Variants in FSTL4 observed in about 807,000 individuals in gnomAD.
The protein encoded by FSTL4 is follistatin-related protein 4.
FSTL4 carries 28 observed loss-of-function variants against 78.2 expected under a neutral mutation model. The ratio of observed to expected loss-of-function variants is 0.36; its 90% CI spans 0.27 to 0.49. FSTL4 has a LOEUF of 0.49. Ranked by LOEUF, FSTL4 falls within the 20% of genes least tolerant of loss-of-function variation. FSTL4 has a pLI of 0.98. For synonymous variants in FSTL4, 422 were observed against 440.5 expected (o/e 0.96, Z 0.53); for missense variants, 922 against 1,084.9 (o/e 0.85, Z 2.11).
chr5:133,780,545 C>T, the FSTL4 span, among the ~76,000 whole-genome samples: 1 of 152,166 alleles, frequency 6.6e-6, no homozygotes, highest in African/African-American at 2.4e-5. Context: ...CCTGGCCTGG[C>T]TTATCTGCAT....
intron 3 of FSTL4, among the ~76,000 whole-genome samples, chr5:133,490,510 T>A (rs1364092717): frequency 2.6e-5 from 4 of 152,220 alleles, no homozygotes; most frequent in African/African-American, 9.6e-5. Context: ...TCTAAAATTA[T>A]ACTGAAGGCT....
At chr5:133,600,288 A>G (rs1014673365) in intron 2 of FSTL4, among the ~76,000 whole-genome samples, 3 of 152,210 alleles carry the variant, frequency 2.0e-5, no homozygotes, top group Non-Finnish European at 4.4e-5. Flanking sequence ...TGCTGAAGGC[A>G]GGTCAGACTA....
intron 2 of FSTL4, among the ~76,000 whole-genome samples, chr5:133,580,807 C>T (rs1031138692): frequency 2.0e-5 from 3 of 152,206 alleles, no homozygotes; most frequent in Admixed American, 1.3e-4. Context: ...GGGGAAGCAG[C>T]GGAGGTCCTA....
chr5:133,815,538 C>T, the FSTL4 span, among the ~76,000 whole-genome samples: 1 of 152,182 alleles, frequency 6.6e-6, no homozygotes, highest in African/African-American at 2.4e-5. Context: ...TAAGATGTGG[C>T]ACAGTGGTAA....
At chr5:133,656,698 G>A in the FSTL4 span, among the ~76,000 whole-genome samples, 10 of 152,194 alleles carry the variant, frequency 6.6e-5, no homozygotes, top group African/African-American at 9.6e-5. Flanking sequence ...GCCCAGCCAA[G>A]TAAGGATGTG....
chr5:133,836,640 C>CCT, the FSTL4 span, among the ~76,000 whole-genome samples: 3 of 142,824 alleles, frequency 2.1e-5, no homozygotes, highest in African/African-American at 7.7e-5. Context: ...TCAGATGTTC[C>CCT]TTTTTTTTTT....
At chr5:133,501,076 G>C (rs189040376) in intron 3 of FSTL4, among the ~76,000 whole-genome samples, 2 of 152,154 alleles carry the variant, frequency 1.3e-5, no homozygotes, top group Admixed American at 1.3e-4. Flanking sequence ...ATCACTCATG[G>C]TGGGAAATGT....
intron 6 of FSTL4, among the ~76,000 whole-genome samples, chr5:133,253,424 G>A (rs933759596): frequency 5.3e-5 from 8 of 152,204 alleles, no homozygotes; most frequent in African/African-American, 1.9e-4. Context: ...TGAGGGCTTG[G>A]GCCCCCCTCG....
At chr5:133,435,735 T>C (rs1757021564) in intron 3 of FSTL4, among the ~76,000 whole-genome samples, 1 of 152,204 alleles carries the variant, frequency 6.6e-6, no homozygotes, top group South Asian at 2.1e-4. Flanking sequence ...TTCCTTTTAT[T>C]CCTAACAGTA....
chr5:133,612,919 C>T (rs1391027542), upstream of FSTL4, among the ~76,000 whole-genome samples: 1 of 152,230 alleles, frequency 6.6e-6, no homozygotes, highest in Middle Eastern at 3.2e-3. The surrounding 1 kb of genome is among the most constrained non-coding windows in gnomAD (Gnocchi z 6.2). Flanking sequence ...CGGTACACCA[C>T]AGCAGGAGAG....
intron 3 of FSTL4, among the ~76,000 whole-genome samples, chr5:133,430,062 A>C (rs1472337019): frequency 1.3e-5 from 2 of 152,206 alleles, no homozygotes; most frequent in Non-Finnish European, 2.9e-5. Flanking sequence ...AAGATATACA[A>C]AGCACTTGGA....
At chr5:133,575,398 GC>G (rs1230439729) in intron 2 of FSTL4, 1 of 151,720 alleles carries the variant, frequency 6.6e-6, no homozygotes, top group African/African-American at 2.4e-5. Flanking sequence ...ATCTGTAAAG[GC>G]AGAAATAGCA....
chr5:133,764,901 C>T, the FSTL4 span, among the ~76,000 whole-genome samples: 1,153 of 152,316 alleles, frequency 7.6e-3, 17 homozygotes, highest in African/African-American at 0.027. Context: ...AACTAACTGC[C>T]CTGTGGGATT....
At chr5:133,582,031 G>A (rs1295080315) in intron 2 of FSTL4, among the ~76,000 whole-genome samples, 2 of 152,212 alleles carry the variant, frequency 1.3e-5, no homozygotes, top group Non-Finnish European at 2.9e-5. Context: ...TCAGCTGGGT[G>A]TCACAGGCAC....
intron 7 of FSTL4, among the ~76,000 whole-genome samples, chr5:133,243,253 CAAA>C (rs968540752): frequency 1.1e-4 from 16 of 151,906 alleles, no homozygotes; most frequent in African/African-American, 3.4e-4. Flanking sequence ...AAACCCAAAA[CAAA>C]AAAGAGTGGC....
At position 133,582,148 on chromosome 5, in the gene FSTL4, G is replaced by C. The variant is rs73788162; in HGVS notation, c.127-14929C>G. On this transcript the variant is annotated intron_variant, in intron 2 of 15. Coordinates refer to ENST00000265342, the MANE Select transcript of FSTL4 (RefSeq NM_015082.2). ...TCGCCTTCCATGAGGACCGATGCCA[G>C]CTCAGTATCCAGAACTCACTGGATG... 9.4e-3 allele frequency among the ~76,000 whole-genome samples: 1,433 copies of C among 152,308 alleles called. 29 individuals carry two copies. The highest frequency in any genetic ancestry group is 0.034 in the African/African-American group (1,393 of 41,558).
rs74473377 is a variant in FSTL4, at chr5:133,591,978, C to T, written c.126+11880G>A. On this transcript the variant is annotated intron_variant, in intron 2 of 15. Transcript: ENST00000265342. ...AAAGCGTCCCTGATGAATCCCCTGG[C>T]TCACAGACCCAGATACCCACCTTAA... Among the ~76,000 whole-genome samples, 1,211 of 152,302 alleles carry T rather than the reference C, an allele frequency of 8.0e-3. 19 individuals carry two copies. Among genetic ancestry groups the T allele is most frequent in the African/African-American group, 0.028 (1,157 of 41,554 alleles).
chr5:133,646,061 T>C, the FSTL4 span, among the ~76,000 whole-genome samples: 3 of 152,180 alleles, frequency 2.0e-5, no homozygotes, highest in Non-Finnish European at 4.4e-5. Flanking sequence ...CCTACCCTCC[T>C]AGAGCATGCA....
At position 133,229,748 on chromosome 5, in the gene FSTL4, T is replaced by C. The variant is rs557017836; in HGVS notation, c.1015+3669A>G. 9.2e-5 allele frequency among the ~76,000 whole-genome samples: 14 copies of C among 152,304 alleles called. No individual in the cohort carries two copies. The East Asian group carries it at 2.5e-3, about 27-fold the overall frequency. On this transcript the variant is annotated intron_variant, in intron 8 of 15. Coordinates refer to ENST00000265342, the MANE Select transcript of FSTL4 (RefSeq NM_015082.2). ...TGAGTGTGGCACCGCCTTAATGATCTTGATGCATTTTACAAAGCTGTCAAT... is the reference window on the plus strand; with the variant it reads ...TGAGTGTGGCACCGCCTTAATGATCCTGATGCATTTTACAAAGCTGTCAAT...
Sources: allele counts gnomAD v4.1 joint callset (sites outside exome capture counted in the v4.1 genomes callset), GRCh38; gene constraint gnomAD v4.1.1; non-coding constraint Gnocchi (gnomAD v3.1); transcripts MANE v1.5; gene names NCBI Gene and HGNC (gene_info 2026-07-23, HGNC 2026-07-21).